Variants in SYT16 observed in about 807,000 individuals in gnomAD.
The protein encoded by SYT16 is synaptotagmin 16, also known as synaptotagmin-16.
A neutral mutation model predicts 61.4 loss-of-function variants in SYT16; 42 were observed. That is an observed-to-expected ratio of 0.68 (90% CI 0.53 to 0.89). SYT16 has a LOEUF of 0.89. SYT16 is among the 40% of genes least tolerant of loss of function. The pLI, the probability that SYT16 is intolerant of heterozygous loss-of-function variation, is 0.00. For synonymous variants in SYT16, 314 were observed against 302.3 expected, an observed-to-expected ratio of 1.04 and a Z score of -0.40; for missense variants, 804 against 807.3, an observed-to-expected ratio of 1.00 and a Z score of 0.05.
At chr14:62,049,051 G>C (rs2055140266) in intron 3 of SYT16, among the ~76,000 whole-genome samples, 1 of 152,116 alleles carries the variant, frequency 6.6e-6, no homozygotes, top group Admixed American at 6.5e-5. Context: ...CTGTCTCGTT[G>C]ATCTGTCTAA....
chr14:62,100,722 AT>A lies in SYT16; in HGVS notation c.*18del, dbSNP rs745603614. The A allele has an allele frequency of 2.5e-6, 4 of 1,606,284 alleles. No homozygotes were observed. In the African/African-American group the frequency reaches 5.3e-5, roughly 21 times the overall value. On this transcript the variant is annotated 3_prime_UTR_variant, in exon 8 of 8. Transcript: ENST00000683842. Reference sequence around the variant, plus strand: ...TGGAATCCTAGGTTTGCTAACCTGCATTTGTGTGCTGTGTCCACCTTGGTTA... The same window carrying A: ...TGGAATCCTAGGTTTGCTAACCTGCATTGTGTGCTGTGTCCACCTTGGTTA...
At chr14:62,023,955 A>G (rs1366748711) in intron 3 of SYT16, among the ~76,000 whole-genome samples, 1 of 152,128 alleles carries the variant, frequency 6.6e-6, no homozygotes, top group Non-Finnish European at 1.5e-5. Flanking sequence ...AATTTCCCAT[A>G]AAAACCTTAT....
intron 3 of SYT16, among the ~76,000 whole-genome samples, chr14:62,053,847 G>C (rs2055419572): frequency 6.6e-6 from 1 of 152,188 alleles, no homozygotes; most frequent in Non-Finnish European, 1.5e-5. Context: ...GTTCAATGGT[G>C]CCAGGCTTGT....
At chr14:61,833,794 G>A (rs555144466) in intron 1 of SYT16, among the ~76,000 whole-genome samples, 1 of 148,616 alleles carries the variant, frequency 6.7e-6, no homozygotes, top group Non-Finnish European at 1.5e-5. Flanking sequence ...TTGCGCTAGC[G>A]AGCAGGCTGT....
chr14:61,817,355 T>C (rs1429283819), intron 1 of SYT16, among the ~76,000 whole-genome samples: 1 of 150,738 alleles, frequency 6.6e-6, no homozygotes, highest in African/African-American at 2.5e-5. Context: ...AAGGTAGAGG[T>C]TGCAGTGAGC....
At chr14:61,979,527 C>A (rs747259314) in intron 2 of SYT16, among the ~76,000 whole-genome samples, 3 of 152,110 alleles carry the variant, frequency 2.0e-5, no homozygotes, top group Non-Finnish European at 2.9e-5. Flanking sequence ...TTAAGTGAAT[C>A]AAATATCTTG....
At chr14:61,927,296 G>A (rs1384293540) in intron 1 of SYT16, among the ~76,000 whole-genome samples, 3 of 152,184 alleles carry the variant, frequency 2.0e-5, no homozygotes, top group Non-Finnish European at 4.4e-5. Context: ...TCCAGGTTAC[G>A]ATATTCACAG....
chr14:62,097,951 A>G (rs1346691920), intron 7 of SYT16, among the ~76,000 whole-genome samples: 2 of 152,144 alleles, frequency 1.3e-5, no homozygotes, highest in Non-Finnish European at 2.9e-5. Context: ...CCACTCCCTC[A>G]TTGTTGGTTT....
Position 62,104,467 on chromosome 14 carries a change from T to C in SYT16, c.*3760T>C, listed in dbSNP as rs1381947756. The C allele has an allele frequency of 6.6e-6, 1 of 152,182 alleles. No homozygotes were observed. The highest frequency in any genetic ancestry group is 2.4e-5 in the African/African-American group (1 of 41,456). 9.4% of individuals were successfully genotyped at this position (152,182 alleles called of 1,614,324 possible). A position where few individuals can be genotyped will look rare whatever the true frequency, so the allele number is the denominator to read the frequency against. The stretch of plus-strand genomic sequence containing the variant: ...AAATTATTCATTTGGGCAAAGTCAT[T>C]TACAACAAAATAAAAAGTCATACAG... On this transcript the variant is annotated 3_prime_UTR_variant, in exon 8 of 8. Coordinates refer to ENST00000683842, the MANE Select transcript of SYT16 (RefSeq NM_001367656.1).
In SYT16 at chr14:61,917,343, C is replaced by A. The variant is rs371833019; in HGVS notation, c.-324-52789C>A. On this transcript the variant is annotated intron_variant, in intron 1 of 7. Coordinates refer to ENST00000683842, the MANE Select transcript of SYT16 (RefSeq NM_001367656.1). ...ATGGGAGTCCTGTGACTAATCAAAT[C>A]AGTGGCCTATTCATCCTCTGGGCCA... 9.9e-5 allele frequency among the ~76,000 whole-genome samples: 15 copies of A among 152,246 alleles called. No homozygotes were observed. The East Asian group carries it at 2.5e-3, about 25-fold the overall frequency.
intron 2 of SYT16, among the ~76,000 whole-genome samples, chr14:61,972,880 T>G (rs1291806498): frequency 1.3e-5 from 2 of 152,326 alleles, no homozygotes; most frequent in Non-Finnish European, 2.9e-5. Context: ...TTGATGAGTC[T>G]GGACTAGGCT....
intron 2 of SYT16, among the ~76,000 whole-genome samples, chr14:61,974,936 C>T (rs1256593570): frequency 2.0e-5 from 3 of 152,230 alleles, no homozygotes; most frequent in Non-Finnish European, 4.4e-5. Flanking sequence ...CTGCTCTCTA[C>T]CTGCAACTAA....
intron 1 of SYT16, among the ~76,000 whole-genome samples, chr14:61,870,938 C>G (rs1034307090): frequency 6.6e-6 from 1 of 152,166 alleles, no homozygotes; most frequent in Non-Finnish European, 1.5e-5. Context: ...CCCACTCCCA[C>G]TCCCCATTTT....
rs1446639849 is a variant in SYT16, at chr14:62,045,144, A to G, written c.524-24459A>G. ...CAGAGTGAGACTATGTCTAAAATAA[A>G]TAAATAAATAAATAAATAAAATAAA... On this transcript the variant is annotated intron_variant, in intron 3 of 7. Coordinates refer to ENST00000683842, the MANE Select transcript of SYT16 (RefSeq NM_001367656.1). Among the ~76,000 whole-genome samples the G allele has an allele frequency of 3.9e-5, 6 of 151,902 alleles. No individual in the cohort carries two copies. In the East Asian group the frequency reaches 1.2e-3, roughly 29 times the overall value.
Position 62,081,261 on chromosome 14 carries a change from G to A in SYT16, c.1421G>A (p.Arg474Lys). Reference protein sequence around the residue: ...EMKVTLVLEPRSNISSGGSPL... With the variant: ...EMKVTLVLEPKSNISSGGSPL... ...AAAGTGACTCTGGTTCTGGAGCCAA[G>A]AAGTAATATAAGCGTGAGTATGTTA... The change falls in exon 6 of 8, where the codon AGA becomes AAA. Residue 474 changes from arginine to lysine, a missense_variant. By Grantham distance (26) the Arg-to-Lys change is conservative. Coordinates refer to ENST00000683842, the MANE Select transcript of SYT16 (RefSeq NM_001367656.1). The A allele has an allele frequency of 6.2e-7, 1 of 1,613,606 alleles. No individual in the cohort carries two copies.
intron 1 of SYT16, among the ~76,000 whole-genome samples, chr14:61,960,902 A>G (rs1233263496): frequency 1.3e-5 from 2 of 152,176 alleles, no homozygotes; most frequent in African/African-American, 2.4e-5. Flanking sequence ...ACAGCATGGT[A>G]TTGGCACAGA....
chr14:61,851,665 T>A (rs2046624895), intron 1 of SYT16, among the ~76,000 whole-genome samples: 1 of 152,254 alleles, frequency 6.6e-6, no homozygotes, highest in Non-Finnish European at 1.5e-5. Context: ...TAATCAGTGA[T>A]GTTGAGCTTT....
intron 7 of SYT16, among the ~76,000 whole-genome samples, chr14:62,090,672 T>C (rs2057041175): frequency 6.6e-6 from 1 of 152,210 alleles, no homozygotes; most frequent in South Asian, 2.1e-4. Flanking sequence ...CTAATTCTCA[T>C]GATGATATCA....
intron 1 of SYT16, among the ~76,000 whole-genome samples, chr14:61,821,152 CCTT>C (rs1268227942): frequency 1.5e-5 from 2 of 137,282 alleles, no homozygotes; most frequent in African/African-American, 2.5e-5. Flanking sequence ...ACAGCCCTCC[CCTT>C]CTTCTCCACA....
Sources: allele counts gnomAD v4.1 joint callset (sites outside exome capture counted in the v4.1 genomes callset), GRCh38; gene constraint gnomAD v4.1.1; transcripts MANE v1.5; gene names NCBI Gene and HGNC (gene_info 2026-07-23, HGNC 2026-07-21).